The following SEC62 variants were observed in gnomAD, a reference collection of about 807,000 sequenced individuals.
The protein encoded by SEC62 is translocation protein SEC62.
Under a neutral mutation model 47.5 loss-of-function variants are expected in SEC62, and 10 were observed. The observed-to-expected ratio is 0.21, with a 90% CI of 0.13 to 0.36. The LOEUF (loss-of-function observed/expected upper bound fraction) is 0.36. Ranked by LOEUF, SEC62 falls within the 10% of genes least tolerant of loss-of-function variation. The pLI, the probability that SEC62 is intolerant of heterozygous loss-of-function variation, is 1.00. For missense variants in SEC62, 327 were observed against 464.1 expected (o/e 0.70, Z 2.71); for synonymous variants, 136 against 150.5 (o/e 0.90, Z 0.71).
At position 169,994,066 on chromosome 3, in the gene SEC62, T is replaced by C. The variant is rs2108290463; in HGVS notation, c.*1003T>C. On this transcript the variant is annotated 3_prime_UTR_variant, in exon 8 of 8. Transcript: ENST00000337002. ...TGTTCATTTTGATTTATTTTAAATC[T>C]TTACATTCAGAAATGAGATACTGTA... The C allele has an allele frequency of 6.5e-6, 1 of 152,710 alleles. No individual in the cohort carries two copies. Among genetic ancestry groups the C allele is most frequent in the Non-Finnish European group, 1.5e-5 (1 of 68,028 alleles). 9.5% of individuals were successfully genotyped at this position (152,710 alleles called of 1,614,324 possible).
At position 169,997,859 on chromosome 3, in the gene SEC62, TGTG is replaced by T. The variant is rs1034426413; in HGVS notation, c.*4799_*4801del. 3.0e-4 allele frequency: 46 copies of T among 152,218 alleles called. No individual in the cohort carries two copies. Among genetic ancestry groups the T allele is most frequent in the African/African-American group, 1.0e-3 (42 of 41,460 alleles). The allele number at this position is 152,218 out of a possible 1,614,324, so 9.4% of individuals were successfully genotyped here. On this transcript the variant is annotated 3_prime_UTR_variant, in exon 8 of 8. Coordinates refer to ENST00000337002, the MANE Select transcript of SEC62 (RefSeq NM_003262.4). ...GTGTAAGCTACCAAATAATTTATGA[TGTG>T]GTAGTTATAGGTGTGCATTTAATAG...
At chr3:169,976,704 G>C (rs1209592759) in intron 2 of SEC62, among the ~76,000 whole-genome samples, 1 of 152,096 alleles carries the variant, frequency 6.6e-6, no homozygotes, top group Non-Finnish European at 1.5e-5. Flanking sequence ...AATTTAACTT[G>C]CTTTAGTTGG....
At position 169,996,592 on chromosome 3, in the gene SEC62, C is replaced by A. The variant is rs1715382077; in HGVS notation, c.*3529C>A. 6.6e-6 allele frequency: 1 copy of A among 152,386 alleles called. No individual in the cohort carries two copies. The highest frequency in any genetic ancestry group is 1.5e-5 in the Non-Finnish European group (1 of 68,108). 9.4% of individuals were successfully genotyped at this position (152,386 alleles called of 1,614,324 possible). ...TGGACCACAGCAGTGGGCTCCTATG[C>A]CTCCTGGCTTCTGAGTGGGTTTGGC... On this transcript the variant is annotated 3_prime_UTR_variant, in exon 8 of 8. Transcript: ENST00000337002.
chr3:169,976,954 G>T lies in SEC62; in HGVS notation c.154G>T (p.Ala52Ser). 1 of 1,602,502 alleles carries T rather than the reference G, an allele frequency of 6.2e-7. No individual in the cohort carries two copies. The highest frequency in any genetic ancestry group is 8.5e-7 in the Non-Finnish European group (1 of 1,172,712). Residue 52 changes from alanine (A) to serine (S), a missense_variant, in exon 3 of 8, where the codon GCA (alanine) becomes TCA (serine). By Grantham distance (99) the Ala-to-Ser change is moderately conservative. Around this residue, in one of 3 missense-constraint regions of SEC62, gnomAD observed 126 missense variants for 161.2 expected, o/e 0.78. Coordinates refer to ENST00000337002, the MANE Select transcript of SEC62 (RefSeq NM_003262.4). ...ATGAATTTCTTCTTTAGCTTCAAAA[G>T]CAGTGGACTGTCTTTTGGATTCAAA... ...HRVDYFIASK[A>S]VDCLLDSKWA...
rs758670384 is a variant in SEC62 at position 169,982,826 on chromosome 3, A to G, written c.371A>G (p.Lys124Arg). Residue 124 changes from lysine (K) to arginine (R), a missense_variant, in exon 4 of 8, where the codon AAG (lysine) becomes AGG (arginine). Lys to Arg is a conservative substitution (Grantham distance 26). Coordinates refer to ENST00000337002, the MANE Select transcript of SEC62 (RefSeq NM_003262.4). ...GAAAGTGGAAAAGAAGAAGATAAAA[A>G]GAGCAAGAAAGAAAATATAAAGGAT... ...KAESGKEEDKKSKKENIKDEK... is the reference protein window; with the variant it reads ...KAESGKEEDKRSKKENIKDEK... 6.3e-7 allele frequency: 1 copy of G among 1,592,960 alleles called. No homozygotes were observed. The highest frequency in any genetic ancestry group is 8.5e-7 in the Non-Finnish European group (1 of 1,170,926).
chr3:169,971,912 T>A (rs1212277507), intron 1 of SEC62, among the ~76,000 whole-genome samples: 1 of 152,240 alleles, frequency 6.6e-6, no homozygotes, highest in Admixed American at 6.5e-5. Context: ...CCTTCCACAT[T>A]TCCTTTCTGT....
intron 5 of SEC62, among the ~76,000 whole-genome samples, chr3:169,984,160 T>C (rs1715044974): frequency 6.6e-6 from 1 of 152,194 alleles, no homozygotes; most frequent in Non-Finnish European, 1.5e-5. Flanking sequence ...GGGTTGTGTG[T>C]TTGAAATTCT....
rs1714534738 is a variant in SEC62, at chr3:169,966,842, A to G, written c.20A>G (p.His7Arg). The G allele has an allele frequency of 6.4e-7, 1 of 1,556,312 alleles. No individual in the cohort carries two copies. Among genetic ancestry groups the G allele is most frequent in the Non-Finnish European group, 8.7e-7 (1 of 1,149,698 alleles). ...GCCAACATGGCGGAACGCAGGAGAC[A>G]CAAGAAGCGGATCCAGGTAGCAAAG... MAERRR[H>R]KKRIQEVGEP... Residue 7 changes from histidine (H) to arginine (R), a missense_variant, in exon 1 of 8, where the codon CAC becomes CGC. Around this residue, in one of 3 missense-constraint regions of SEC62, gnomAD observed 126 missense variants for 161.2 expected, o/e 0.78. Coordinates refer to ENST00000337002, the MANE Select transcript of SEC62 (RefSeq NM_003262.4).
intron 3 of SEC62, among the ~76,000 whole-genome samples, chr3:169,978,202 C>T (rs891258569): frequency 1.4e-4 from 22 of 152,064 alleles, no homozygotes; most frequent in African/African-American, 5.3e-4. Flanking sequence ...TGGCGTGAAC[C>T]CGGGAGGCGG....
chr3:169,983,914 T>A (rs552004362), intron 5 of SEC62: 2 of 152,328 alleles, frequency 1.3e-5, no homozygotes, highest in Non-Finnish European at 2.9e-5. Flanking sequence ...AGAATGTAAG[T>A]CAGACACATC....
At chr3:169,978,214 G>T (rs970809696) in intron 3 of SEC62, among the ~76,000 whole-genome samples, 6 of 152,174 alleles carry the variant, frequency 3.9e-5, no homozygotes, top group Admixed American at 3.9e-4. Context: ...GGGAGGCGGA[G>T]CTTGCAGTGA....
chr3:169,975,248 T>C (rs1316125375), intron 1 of SEC62, among the ~76,000 whole-genome samples: 1 of 142,924 alleles, frequency 7.0e-6, no homozygotes, highest in Non-Finnish European at 1.5e-5. Flanking sequence ...ACCACTGCAC[T>C]CTAGCCTAGG....
In SEC62 at chr3:169,982,810, A is replaced by G. The variant is rs750994854; in HGVS notation, c.355A>G (p.Lys119Glu). 2 of 1,599,748 alleles carry G rather than the reference A, an allele frequency of 1.3e-6. No individual in the cohort carries two copies. Among genetic ancestry groups the G allele is most frequent in the South Asian group, 2.3e-5 (2 of 88,084 alleles). The part of the protein sequence containing the change: ...EKDKGKAESG[K>E]EEDKKSKKEN... ...AGATAAAGGAAAAGCTGAAAGTGGA[A>G]AAGAAGAAGATAAAAAGAGCAAGAA... The change falls in exon 4 of 8, where the codon AAA becomes GAA. Residue 119 changes from lysine (K) to glutamate (E), a missense_variant. Transcript: ENST00000337002.
intron 1 of SEC62, among the ~76,000 whole-genome samples, chr3:169,970,572 TA>T: frequency 6.6e-6 from 1 of 152,158 alleles, no homozygotes; most frequent in Non-Finnish European, 1.5e-5. Flanking sequence ...TATTCTAAAG[TA>T]AAAAACAGTA....
intron 1 of SEC62, among the ~76,000 whole-genome samples, chr3:169,974,517 A>G (rs759710299): frequency 2.0e-5 from 3 of 152,252 alleles, no homozygotes; most frequent in Non-Finnish European, 4.4e-5. Flanking sequence ...ATGAGAAACA[A>G]TGAAGAAAAT....
chr3:169,995,206 C>A lies in SEC62; in HGVS notation c.*2143C>A, dbSNP rs1302340943. On this transcript the variant is annotated 3_prime_UTR_variant, in exon 8 of 8. Coordinates refer to ENST00000337002, the MANE Select transcript of SEC62 (RefSeq NM_003262.4). Reference sequence around the variant, plus strand: ...TAGAATGGCGATTTTTTTTTAAGAACTTCAGATTTGCTATGCTGCTGTAAG... The same window carrying A: ...TAGAATGGCGATTTTTTTTTAAGAAATTCAGATTTGCTATGCTGCTGTAAG... The A allele has an allele frequency of 6.6e-6, 1 of 151,858 alleles. No individual in the cohort carries two copies. Among genetic ancestry groups the A allele is most frequent in the Non-Finnish European group, 1.5e-5 (1 of 67,952 alleles). 9.4% of individuals were successfully genotyped at this position (151,858 alleles called of 1,614,324 possible). A position where few individuals can be genotyped will look rare whatever the true frequency, so the allele number is the denominator to read the frequency against.
chr3:169,984,751 T>A (rs151187477), intron 5 of SEC62, among the ~76,000 whole-genome samples: 1 of 152,286 alleles, frequency 6.6e-6, no homozygotes, highest in East Asian at 1.9e-4. Flanking sequence ...AAGTGGAACC[T>A]CTGGTGTTAA....
In SEC62 at chr3:169,975,229, C is replaced by T. The variant is rs112998577; in HGVS notation, c.37-379C>T. 2.1e-3 allele frequency among the ~76,000 whole-genome samples: 314 copies of T among 146,802 alleles called. 2 individuals are homozygous for T. Among genetic ancestry groups the T allele is most frequent in the African/African-American group, 6.9e-3 (275 of 39,746 alleles). ...TCAGGAGGCAGAGGTTGCAGTGAGC[C>T]GAGATCGCACCACTGCACTCTAGCC... On this transcript the variant is annotated intron_variant, in intron 1 of 7. Transcript: ENST00000337002.
chr3:169,967,032 G>A (rs1292950834), intron 1 of SEC62, among the ~76,000 whole-genome samples, 174 bp downstream of exon 1: 1 of 152,228 alleles, frequency 6.6e-6, no homozygotes, highest in Non-Finnish European at 1.5e-5. Context: ...CTGAGGGGGG[G>A]CGGTGTTGGC....
Sources: gnomAD v4.1 joint callset for allele counts (sites outside exome capture counted in the v4.1 genomes callset) on GRCh38, gnomAD v4.1.1 for gene constraint, gnomAD v4.1.1 regional missense constraint, MANE v1.5 for transcripts, NCBI Gene and HGNC (gene_info 2026-07-23, HGNC 2026-07-21) for gene names.